Variants in CUX1 observed in about 807,000 individuals in gnomAD.
CUX1 encodes the protein cut like homeobox 1.
Under a neutral mutation model 158.8 loss-of-function variants are expected in CUX1, and 31 were observed. The ratio of observed to expected loss-of-function variants is 0.20; its 90% confidence interval spans 0.15 to 0.26. The LOEUF (loss-of-function observed/expected upper bound fraction) is 0.26, where lower values mean the gene tolerates loss of function less well. Ranked by LOEUF, CUX1 falls within the 10% of genes least tolerant of loss-of-function variation. CUX1 has a pLI of 1.00. For missense variants in CUX1, 1,589 were observed against 2,014.6 expected, an observed-to-expected ratio of 0.79 and a Z score of 4.04; for synonymous variants, 879 against 862.1, an observed-to-expected ratio of 1.02 and a Z score of -0.34.
intron 23 of CUX1, among the ~76,000 whole-genome samples, chr7:102,246,120 A>G (rs1223164922): frequency 6.6e-6 from 1 of 152,094 alleles, no homozygotes; most frequent in African/African-American, 2.4e-5. Context: ...AAAAGCCTGT[A>G]CTCTGGTTTT....
intron 3 of CUX1, among the ~76,000 whole-genome samples, chr7:102,030,754 T>A (rs1820698075): frequency 7.3e-6 from 1 of 137,352 alleles, no homozygotes; most frequent in Non-Finnish European, 1.5e-5. Flanking sequence ...GGTGCCATCA[T>A]GGTTCACTGC....
intron 1 of CUX1, among the ~76,000 whole-genome samples, chr7:101,870,229 C>T (rs187887755): frequency 2.6e-4 from 39 of 149,884 alleles, no homozygotes; most frequent in African/African-American, 8.4e-4. Flanking sequence ...TCCTAGCTCA[C>T]TGCAGCCTCA....
At chr7:102,245,661 C>T (rs558071279) in intron 23 of CUX1, among the ~76,000 whole-genome samples, 4 of 152,244 alleles carry the variant, frequency 2.6e-5, no homozygotes, top group South Asian at 4.1e-4. Flanking sequence ...CCACATTTTT[C>T]AGACAAGAAA....
At chr7:102,087,116 T>C (rs1828028661) in intron 4 of CUX1, among the ~76,000 whole-genome samples, 1 of 152,268 alleles carries the variant, frequency 6.6e-6, no homozygotes, top group Non-Finnish European at 1.5e-5. Flanking sequence ...CATTTACATT[T>C]AATGCAATTA....
At chr7:102,147,971 G>T (rs943095161) in intron 8 of CUX1, among the ~76,000 whole-genome samples, 1 of 152,094 alleles carries the variant, frequency 6.6e-6, no homozygotes, top group South Asian at 2.1e-4. Flanking sequence ...GCGAGACTCC[G>T]TCTCAAAAAT....
At chr7:101,975,137 G>A (rs1445146586) in intron 2 of CUX1, among the ~76,000 whole-genome samples, 1 of 152,136 alleles carries the variant, frequency 6.6e-6, no homozygotes, top group East Asian at 1.9e-4. Context: ...TGTAATCTCA[G>A]CTGCTCAGGA....
chr7:101,835,016 ATAAAT>A (rs1244339534), intron 1 of CUX1, among the ~76,000 whole-genome samples: 5 of 151,990 alleles, frequency 3.3e-5, no homozygotes, highest in African/African-American at 1.2e-4. Context: ...AAATAAATAA[ATAAAT>A]AAATAAATAA....
intron 2 of CUX1, among the ~76,000 whole-genome samples, chr7:101,945,242 G>A (rs1184740972): frequency 2.0e-5 from 3 of 152,052 alleles, no homozygotes; most frequent in South Asian, 2.1e-4. Flanking sequence ...GGCAGGCTCC[G>A]GCTCTGCACC....
intron 2 of CUX1, among the ~76,000 whole-genome samples, chr7:102,000,150 A>G (rs1419680305): frequency 2.0e-5 from 3 of 151,774 alleles, no homozygotes; most frequent in East Asian, 3.9e-4. Context: ...CGGGCGGCGG[A>G]GGTTGTAGTG....
rs926290507 is a variant in CUX1 at position 102,111,551 on chromosome 7, C to T, written c.531-147C>T. The T allele has an allele frequency of 7.1e-5, 48 of 676,532 alleles. No individual in the cohort carries two copies. In the South Asian group the frequency reaches 7.2e-4, roughly 10 times the overall value. The allele number at this position is 676,532 out of a possible 1,614,324, so 41.9% of individuals were successfully genotyped here. A position where few individuals can be genotyped will look rare whatever the true frequency, so the allele number is the denominator to read the frequency against. ...GTGGAAGCTGCGGGAGCGGGGCCCA[C>T]GGCACACGTGTCGTTGCGGGCGATA... On this transcript the variant is annotated intron_variant, in intron 6 of 23. Coordinates refer to ENST00000292535, the MANE Select transcript of CUX1 (RefSeq NM_181552.4).
chr7:101,851,542 A>C (rs1008533058), intron 1 of CUX1, among the ~76,000 whole-genome samples: 1 of 152,164 alleles, frequency 6.6e-6, no homozygotes, highest in Non-Finnish European at 1.5e-5. Context: ...GATCTTCTTT[A>C]TTCTGTCCTC....
chr7:101,898,922 G>C (rs1042468559), intron 1 of CUX1, among the ~76,000 whole-genome samples: 5 of 152,222 alleles, frequency 3.3e-5, no homozygotes, highest in African/African-American at 1.2e-4. Flanking sequence ...TAGCTTGGAA[G>C]AATAACATAC....
chr7:102,255,646 G>T lies in CUX1; in HGVS notation c.*6604G>T, dbSNP rs1409251212. On this transcript the variant is annotated 3_prime_UTR_variant, in exon 24 of 24. Coordinates refer to ENST00000292535, the MANE Select transcript of CUX1 (RefSeq NM_181552.4). ...AAGCTTTCTGTAATCAGAAAGAAAA[G>T]GTGCCTTATATCCCAATGTCACGGC... The T allele has an allele frequency of 2.0e-6, 2 of 985,352 alleles. No individual in the cohort carries two copies. Among genetic ancestry groups the T allele is most frequent in the Non-Finnish European group, 2.4e-6 (2 of 829,914 alleles). The allele number at this position is 985,352 out of a possible 1,614,324, so 61.0% of individuals were successfully genotyped here.
intron 11 of CUX1, among the ~76,000 whole-genome samples, chr7:102,179,504 C>T (rs1431299010): frequency 6.6e-6 from 1 of 152,218 alleles, no homozygotes; most frequent in African/African-American, 2.4e-5. Flanking sequence ...ATTCTCTTGT[C>T]CAAGCACCTT....
chr7:102,277,557 G>A (rs1791695679), intron 17 of CUX1, among the ~76,000 whole-genome samples: 1 of 151,870 alleles, frequency 6.6e-6, no homozygotes, highest in Admixed American at 6.6e-5. Context: ...GATTGATTGC[G>A]TCGTTGCACT....
At chr7:101,884,373 C>T (rs539448780) in intron 1 of CUX1, among the ~76,000 whole-genome samples, 1 of 152,194 alleles carries the variant, frequency 6.6e-6, no homozygotes, top group Non-Finnish European at 1.5e-5. Flanking sequence ...GCTCCTTGCT[C>T]CTCTCCCATA....
intron 9 of CUX1, among the ~76,000 whole-genome samples, chr7:102,166,792 AT>A (rs1344631832): frequency 6.6e-5 from 10 of 151,736 alleles, no homozygotes; most frequent in African/African-American, 1.5e-4. Flanking sequence ...TGAGTTTTGT[AT>A]TTTTTTTCGA....
chr7:102,186,650 T>C (rs1322150989), intron 11 of CUX1, among the ~76,000 whole-genome samples: 3 of 152,000 alleles, frequency 2.0e-5, no homozygotes, highest in African/African-American at 2.4e-5. Context: ...CCCAGCACCA[T>C]TACTGAGCAT....
chr7:102,242,705 C>G (rs140956109), intron 23 of CUX1, among the ~76,000 whole-genome samples: 1 of 152,206 alleles, frequency 6.6e-6, no homozygotes, highest in Non-Finnish European at 1.5e-5. Context: ...GCTGGAGCCA[C>G]GTTTGTTTCC....
Sources: gnomAD v4.1 joint callset for allele counts (sites outside exome capture counted in the v4.1 genomes callset) on GRCh38, gnomAD v4.1.1 for gene constraint, MANE v1.5 for transcripts, NCBI Gene and HGNC (gene_info 2026-07-23, HGNC 2026-07-21) for gene names.